AKR1C8: variants seen among roughly 807,000 people sequenced by gnomAD.
AKR1C8 encodes aldo-keto reductase family 1 member C8.
the AKR1C8 span, among the ~76,000 whole-genome samples, chr10:5,173,821 C>A: frequency 5.9e-5 from 9 of 151,924 alleles, no homozygotes; most frequent in African/African-American, 2.2e-4. Flanking sequence ...ATTTAAAAGA[C>A]CTTTATAGTT....
the AKR1C8 span, among the ~76,000 whole-genome samples, chr10:5,176,277 C>T: frequency 8.5e-6 from 1 of 117,854 alleles, no homozygotes; most frequent in East Asian, 2.0e-4. Context: ...TGTCAAAGAT[C>T]CGATAGTTGT....
the AKR1C8 span, among the ~76,000 whole-genome samples, chr10:5,125,261 G>A: frequency 6.6e-6 from 1 of 152,000 alleles, no homozygotes; most frequent in South Asian, 2.1e-4. Context: ...AGGAAACAAT[G>A]GTAAATCTCA....
the AKR1C8 span, among the ~76,000 whole-genome samples, chr10:5,166,952 ACC>A: frequency 6.7e-6 from 1 of 150,182 alleles, no homozygotes; most frequent in Non-Finnish European, 1.5e-5. Context: ...GAAAAAAAAA[ACC>A]CATCAAAAAG....
At chr10:5,125,568 T>C in the AKR1C8 span, among the ~76,000 whole-genome samples, 1 of 152,112 alleles carries the variant, frequency 6.6e-6, no homozygotes. Context: ...CTGGGTAGAA[T>C]AACATTGCAC....
the AKR1C8 span, among the ~76,000 whole-genome samples, chr10:5,178,551 C>T: frequency 3.3e-5 from 5 of 152,110 alleles, no homozygotes; most frequent in Non-Finnish European, 7.4e-5. Context: ...CTTTCTGTCT[C>T]ATTGATCTGT....
chr10:5,117,165 G>A, the AKR1C8 span, among the ~76,000 whole-genome samples: 1 of 151,426 alleles, frequency 6.6e-6, no homozygotes, highest in Non-Finnish European at 1.5e-5. Context: ...AGGGTTAAAA[G>A]GTGCTTCCTA....
chr10:5,173,318 T>C, the AKR1C8 span, among the ~76,000 whole-genome samples: 2 of 152,134 alleles, frequency 1.3e-5, no homozygotes, highest in African/African-American at 4.8e-5. Context: ...GAAAGGGACA[T>C]GAATGCAAGC....
chr10:5,147,743 G>A, the AKR1C8 span, among the ~76,000 whole-genome samples: 2 of 152,172 alleles, frequency 1.3e-5, no homozygotes, highest in African/African-American at 4.8e-5. Flanking sequence ...AGCCCACATG[G>A]CTACTCTTAC....
chr10:5,145,807 A>T, the AKR1C8 span, among the ~76,000 whole-genome samples: 3 of 152,176 alleles, frequency 2.0e-5, no homozygotes, highest in Admixed American at 6.5e-5. Flanking sequence ...TCAGGGATCT[A>T]GAACTAGAAA....
chr10:5,152,594 C>T, the AKR1C8 span, among the ~76,000 whole-genome samples: 2 of 152,112 alleles, frequency 1.3e-5, no homozygotes, highest in Non-Finnish European at 2.9e-5. Context: ...CATTTTTCTC[C>T]GTGGAAATGC....
At chr10:5,174,898 A>G in the AKR1C8 span, among the ~76,000 whole-genome samples, 1 of 151,962 alleles carries the variant, frequency 6.6e-6, no homozygotes, top group African/African-American at 2.4e-5. Flanking sequence ...ATATAAACAT[A>G]TTAACTAAAT....
At chr10:5,151,606 G>A in the AKR1C8 span, among the ~76,000 whole-genome samples, 2 of 147,080 alleles carry the variant, frequency 1.4e-5, no homozygotes, top group South Asian at 4.3e-4. Flanking sequence ...ACCCAGGCTG[G>A]CATACAGTGG....
At chr10:5,134,305 A>G in the AKR1C8 span, among the ~76,000 whole-genome samples, 2 of 152,196 alleles carry the variant, frequency 1.3e-5, no homozygotes, top group East Asian at 3.9e-4. Flanking sequence ...ATGGTCTTCA[A>G]GATGTCTCTC....
the AKR1C8 span, among the ~76,000 whole-genome samples, chr10:5,125,505 G>T: frequency 6.6e-6 from 1 of 152,032 alleles, no homozygotes; most frequent in African/African-American, 2.4e-5. Flanking sequence ...TCTCACAGCC[G>T]GTGCTCTTTT....
At chr10:5,168,182 G>A in the AKR1C8 span, among the ~76,000 whole-genome samples, 1 of 151,966 alleles carries the variant, frequency 6.6e-6, no homozygotes, top group South Asian at 2.1e-4. Context: ...GGTTTCCTAT[G>A]TGCAAGCTTC....
chr10:5,139,621 C>T, the AKR1C8 span, among the ~76,000 whole-genome samples: 1 of 151,798 alleles, frequency 6.6e-6, no homozygotes, highest in Non-Finnish European at 1.5e-5. Flanking sequence ...AAATTGGATC[C>T]CTTCCTTATA....
the AKR1C8 span, among the ~76,000 whole-genome samples, chr10:5,117,663 T>C: frequency 6.6e-6 from 1 of 152,160 alleles, no homozygotes. Context: ...AAGCATAGCA[T>C]TGGCATCTCT....
the AKR1C8 span, chr10:5,157,716 G>A: frequency 2.1e-5 from 10 of 472,520 alleles, no homozygotes; most frequent in African/African-American, 1.2e-4. Flanking sequence ...AGCGCAGGGC[G>A]ACCTGGCCTG....
At chr10:5,120,129 A>G in the AKR1C8 span, among the ~76,000 whole-genome samples, 1 of 152,332 alleles carries the variant, frequency 6.6e-6, no homozygotes, top group South Asian at 2.1e-4. Flanking sequence ...TTAAACCGCA[A>G]ACAATAGCAT....
Sources: gnomAD v4.1 joint callset for allele counts (sites outside exome capture counted in the v4.1 genomes callset) on GRCh38, gnomAD v4.1.1 for gene constraint, MANE v1.5 for transcripts, NCBI Gene and HGNC (gene_info 2026-07-23, HGNC 2026-07-21) for gene names.